Variants in EIF3A observed in about 807,000 individuals in gnomAD.
EIF3A encodes the protein EIF3, p180 subunit.
In EIF3A, 21 loss-of-function variants were observed where a neutral mutation model predicts 186.6. That is an observed-to-expected ratio of 0.11 (90% confidence interval 0.08 to 0.16). The LOEUF is 0.16. Among genes scored for constraint, EIF3A ranks in the 10% least tolerant of loss-of-function variants. The probability of loss-of-function intolerance (pLI) is 1.00; values close to 1 mark genes in which losing one functional copy is unlikely to be tolerated. For synonymous variants in EIF3A, 563 were observed against 584.3 expected (o/e 0.96, Z 0.52); for missense variants, 1,306 against 1,796.3 (o/e 0.73, Z 4.93).
At chr10:119,072,563 C>G (rs1003698921) in intron 4 of EIF3A, among the ~76,000 whole-genome samples, 7 of 152,186 alleles carry the variant, frequency 4.6e-5, no homozygotes, top group African/African-American at 1.7e-4. Flanking sequence ...AGCGATCCTG[C>G]CACCTCAGCC....
chr10:119,041,437 T>G (rs1209047086), intron 19 of EIF3A, among the ~76,000 whole-genome samples: 1 of 152,070 alleles, frequency 6.6e-6, no homozygotes, highest in African/African-American at 2.4e-5. Context: ...CAGGGTGTGG[T>G]GGCATGCGCC....
rs755709452 is a variant in EIF3A at position 119,073,061 on chromosome 10, G to GA, written c.378-9dup. Reference sequence around the variant, plus strand: ...ACAGCACTTAGGAGAACACTACAAAGAAAAAAATGTTGAAAACAATTTTAG... The same window carrying GA: ...ACAGCACTTAGGAGAACACTACAAAGAAAAAAAATGTTGAAAACAATTTTAG... On this transcript the variant is annotated splice_polypyrimidine_tract_variant and intron_variant, in intron 3 of 21. Coordinates refer to ENST00000369144, the MANE Select transcript of EIF3A (RefSeq NM_003750.4). 10 of 1,585,636 alleles carry GA rather than the reference G, an allele frequency of 6.3e-6. No homozygotes were observed. The highest frequency in any genetic ancestry group is 2.3e-5 in the South Asian group (2 of 86,150).
chr10:119,054,443 G>A (rs1407163793), intron 14 of EIF3A, among the ~76,000 whole-genome samples: 8 of 151,632 alleles, frequency 5.3e-5, no homozygotes, highest in Admixed American at 2.0e-4. Flanking sequence ...GGCCAGGCAC[G>A]GTGGCTCATG....
intron 1 of EIF3A, among the ~76,000 whole-genome samples, chr10:119,075,763 G>A (rs1333690186): frequency 8.0e-6 from 1 of 124,732 alleles, no homozygotes; most frequent in Non-Finnish European, 1.6e-5. Flanking sequence ...ACTCAGGCTG[G>A]AGTGCAGTGG....
At chr10:119,036,820 G>C (rs1012914121) in intron 21 of EIF3A, among the ~76,000 whole-genome samples, 12 of 152,108 alleles carry the variant, frequency 7.9e-5, no homozygotes, top group Non-Finnish European at 1.6e-4. Flanking sequence ...TTTCTACTTT[G>C]TGCTTAATCT....
intron 14 of EIF3A, among the ~76,000 whole-genome samples, chr10:119,051,566 G>A (rs926054904): frequency 2.0e-5 from 3 of 152,122 alleles, no homozygotes. Context: ...CATGATACCA[G>A]GAACTTTATA....
intron 1 of EIF3A, among the ~76,000 whole-genome samples, chr10:119,077,581 G>GTC (rs974502753): frequency 6.7e-6 from 1 of 148,300 alleles, no homozygotes; most frequent in African/African-American, 2.5e-5. Context: ...TGGAGAAGGA[G>GTC]TCTCGCTCTG....
chr10:119,060,766 T>C lies in EIF3A; in HGVS notation c.1306A>G (p.Ile436Val). Residue 436 changes from isoleucine (I) to valine (V), a missense_variant, in exon 9 of 22, where the codon ATC becomes GTC. By Grantham distance (29) the Ile-to-Val change is conservative. Transcript: ENST00000369144. Reference protein sequence around the residue: ...QYVPQLQNNTILRLLQQVSQI... With the variant: ...QYVPQLQNNTVLRLLQQVSQI... ...TTTACCTGCTGCAGAAGGCGGAGGATGGTGTTGTTTTGCAGTTGTGGCACA... is the reference window on the plus strand; with the variant it reads ...TTTACCTGCTGCAGAAGGCGGAGGACGGTGTTGTTTTGCAGTTGTGGCACA... 1.2e-6 allele frequency: 2 copies of C among 1,609,416 alleles called. No individual in the cohort carries two copies. The highest frequency in any genetic ancestry group is 1.1e-5 in the South Asian group (1 of 89,590).
intron 19 of EIF3A, among the ~76,000 whole-genome samples, chr10:119,039,619 G>A (rs1261674474): frequency 1.3e-5 from 2 of 152,104 alleles, no homozygotes; most frequent in African/African-American, 4.8e-5. Flanking sequence ...GCGGTGATCT[G>A]AGATCACGCC....
Position 119,035,682 on chromosome 10 carries a change from T to C in EIF3A, c.*357A>G, listed in dbSNP as rs1484821182. 3.8e-5 allele frequency: 4 copies of C among 105,056 alleles called. No homozygotes were observed. The highest frequency in any genetic ancestry group is 1.1e-4 in the African/African-American group (3 of 27,122). The allele number at this position is 105,056 out of a possible 1,614,324, so 6.5% of individuals were successfully genotyped here. A position where few individuals can be genotyped will look rare whatever the true frequency, so the allele number is the denominator to read the frequency against. On this transcript the variant is annotated 3_prime_UTR_variant, in exon 22 of 22. Coordinates refer to ENST00000369144, the MANE Select transcript of EIF3A (RefSeq NM_003750.4). The stretch of plus-strand genomic sequence containing the variant: ...AACCTTACTTCATTCCAAATTATTA[T>C]CAGATATTTCAAAATCAAAAAAAAA...
In EIF3A at chr10:119,076,224, T is replaced by C. The variant is rs368688173; in HGVS notation, c.50-2287A>G. On this transcript the variant is annotated intron_variant, in intron 1 of 21. Coordinates refer to ENST00000369144, the MANE Select transcript of EIF3A (RefSeq NM_003750.4). ...GATGCACGCCCGTAATCCTAGCTAC[T>C]TGGGAGGCTGAGGCAAGACAATTAC... 3.1e-4 allele frequency among the ~76,000 whole-genome samples: 47 copies of C among 151,046 alleles called. No homozygotes were observed. In the East Asian group the frequency reaches 8.3e-3, roughly 27 times the overall value.
chr10:119,072,648 C>CTTCA (rs1844097048), intron 4 of EIF3A, among the ~76,000 whole-genome samples: 1 of 152,012 alleles, frequency 6.6e-6, no homozygotes, highest in South Asian at 2.1e-4. Context: ...AGAGAAGGGG[C>CTTCA]TTCACCATGT....
intron 1 of EIF3A, among the ~76,000 whole-genome samples, chr10:119,079,383 T>C (rs1844226551): frequency 6.6e-6 from 1 of 152,222 alleles, no homozygotes; most frequent in Non-Finnish European, 1.5e-5. Flanking sequence ...ATTATCAGTT[T>C]ATGTGCTGAC....
Position 119,055,854 on chromosome 10 carries a change from T to A in EIF3A, c.2196+886A>T, listed in dbSNP as rs1589690174. On this transcript the variant is annotated intron_variant, in intron 14 of 21. Coordinates refer to ENST00000369144, the MANE Select transcript of EIF3A (RefSeq NM_003750.4). ...CAATGCAAGATGATATATGGCTATTTCTTTTCTACCCTACATGAAAAACTG... is the reference window on the plus strand; with the variant it reads ...CAATGCAAGATGATATATGGCTATTACTTTTCTACCCTACATGAAAAACTG... 2.0e-5 allele frequency among the ~76,000 whole-genome samples: 3 copies of A among 152,336 alleles called. No homozygotes were observed. In the East Asian group the frequency reaches 5.8e-4, roughly 29 times the overall value.
rs1273306391 is a variant in EIF3A at position 119,042,619 on chromosome 10, G to A, written c.2901C>T (p.Gly967=). Residue 967 remains glycine, a synonymous_variant, in exon 19 of 22, where the codon GGC becomes GGT. Coordinates refer to ENST00000369144, the MANE Select transcript of EIF3A (RefSeq NM_003750.4). This position sits in a 1 kb window ranked among gnomAD's most constrained non-coding sequence, Gnocchi z 7.8. ...TATCTTCCTCAGGACCACGTCTAGG[G>A]CCTCTGTCATCATCCATGCCACGCC... The part of the protein sequence containing the change: ...VPRRGMDDDR[G]PRRGPEEDRF... 20 of 1,613,630 alleles carry A rather than the reference G, an allele frequency of 1.2e-5. No homozygotes were observed. Among genetic ancestry groups the A allele is most frequent in the Non-Finnish European group, 1.6e-5 (19 of 1,179,964 alleles).
At chr10:119,046,883 G>A (rs1197796104) in intron 17 of EIF3A, among the ~76,000 whole-genome samples, 1 of 152,120 alleles carries the variant, frequency 6.6e-6, no homozygotes, top group Non-Finnish European at 1.5e-5. Flanking sequence ...CTTGAACCTG[G>A]AAGGTGGAGG....
intron 6 of EIF3A, among the ~76,000 whole-genome samples, chr10:119,066,546 GAAGT>G (rs1843984010): frequency 2.3e-5 from 3 of 129,180 alleles, no homozygotes; most frequent in Admixed American, 8.1e-5. Flanking sequence ...AAAACCTAAG[GAAGT>G]AAGTGGCAAT....
At chr10:119,050,783 C>T in intron 15 of EIF3A, 109 bp from the exon 16 acceptor site, 5 of 1,175,664 alleles carry the variant, frequency 4.3e-6, no homozygotes, top group Admixed American at 2.3e-5. Flanking sequence ...TCAGAATCAT[C>T]GAAAGCAACC....
At chr10:119,072,754 C>A (rs1434484731) in intron 4 of EIF3A, 136 bp downstream of exon 4, 1 of 1,069,792 alleles carries the variant, frequency 9.3e-7, no homozygotes, top group Admixed American at 2.7e-5. Context: ...CACATCCGGC[C>A]GCAGTCATTT....
Sources: allele counts gnomAD v4.1 joint callset (sites outside exome capture counted in the v4.1 genomes callset), GRCh38; gene constraint gnomAD v4.1.1; non-coding constraint Gnocchi (gnomAD v3.1); transcripts MANE v1.5; gene names NCBI Gene and HGNC (gene_info 2026-07-23, HGNC 2026-07-21).